Variants in SPOCK1 observed in about 807,000 individuals in gnomAD.
SPOCK1 encodes SPARC (osteonectin), cwcv and kazal like domains proteoglycan 1, also known as testican-1.
A neutral mutation model predicts 55.3 loss-of-function variants in SPOCK1; 23 were observed. The observed-to-expected ratio is 0.42, with a 90% CI of 0.30 to 0.59. The LOEUF (loss-of-function observed/expected upper bound fraction) is 0.59. SPOCK1 is among the 20% of genes least tolerant of loss of function. SPOCK1 has a pLI of 0.22. For synonymous variants in SPOCK1, 226 were observed against 221.0 expected (o/e 1.02, Z -0.20); for missense variants, 499 against 552.5 (o/e 0.90, Z 0.97).
chr5:137,323,912 T>C (rs560187690), intron 2 of SPOCK1, among the ~76,000 whole-genome samples: 36 of 150,544 alleles, frequency 2.4e-4, no homozygotes, highest in Middle Eastern at 3.4e-3. Flanking sequence ...GAAAACAGCA[T>C]AGAGGGTCCT....
At chr5:137,336,193 C>T (rs558752480) in intron 2 of SPOCK1, among the ~76,000 whole-genome samples, 1 of 152,304 alleles carries the variant, frequency 6.6e-6, no homozygotes, top group East Asian at 1.9e-4. Context: ...GAGAAGGATC[C>T]TAAACTGAGC....
intron 5 of SPOCK1, among the ~76,000 whole-genome samples, chr5:137,093,676 T>A (rs913205828): frequency 5.3e-5 from 8 of 152,092 alleles, no homozygotes; most frequent in East Asian, 1.9e-4. Flanking sequence ...AAGATGGGGA[T>A]GCGGAGAAGG....
chr5:137,188,479 G>A (rs1348922505), intron 3 of SPOCK1, among the ~76,000 whole-genome samples: 1 of 152,150 alleles, frequency 6.6e-6, no homozygotes, highest in Admixed American at 6.5e-5. Flanking sequence ...TCTGTGATCA[G>A]TGATCTTTGA....
chr5:137,152,543 C>G (rs1754337771), intron 3 of SPOCK1, among the ~76,000 whole-genome samples: 1 of 152,170 alleles, frequency 6.6e-6, no homozygotes, highest in Non-Finnish European at 1.5e-5. Flanking sequence ...GCAATAAATA[C>G]TGATCACCTA....
intron 4 of SPOCK1, among the ~76,000 whole-genome samples, chr5:137,134,003 C>T (rs887201038): frequency 3.3e-5 from 5 of 152,170 alleles, no homozygotes; most frequent in African/African-American, 1.2e-4. Flanking sequence ...GGGAAATGTA[C>T]ATCAGGCCCC....
intron 3 of SPOCK1, among the ~76,000 whole-genome samples, chr5:137,255,674 G>A (rs1477525734): frequency 6.6e-6 from 1 of 152,048 alleles, no homozygotes; most frequent in Non-Finnish European, 1.5e-5. Flanking sequence ...TGAAGTGAAG[G>A]CAGGAGGAGA....
intron 6 of SPOCK1, among the ~76,000 whole-genome samples, chr5:137,052,939 C>T (rs1220466117): frequency 6.6e-6 from 1 of 151,742 alleles, no homozygotes; most frequent in African/African-American, 2.4e-5. Flanking sequence ...CATCACATAA[C>T]TGTCTTCTCC....
At chr5:137,319,679 C>T (rs1287802343) in intron 2 of SPOCK1, among the ~76,000 whole-genome samples, 2 of 152,170 alleles carry the variant, frequency 1.3e-5, no homozygotes, top group Non-Finnish European at 2.9e-5. Flanking sequence ...GGCGCGGTGG[C>T]TCACGCCTGT....
At chr5:137,357,050 G>C (rs74705493) in intron 2 of SPOCK1, among the ~76,000 whole-genome samples, 2 of 151,076 alleles carry the variant, frequency 1.3e-5, no homozygotes, top group Admixed American at 6.6e-5. Flanking sequence ...CATTAGCAAA[G>C]ACTCCCTTCC....
intron 2 of SPOCK1, among the ~76,000 whole-genome samples, chr5:137,402,023 G>GTATTTAT (rs1751993988): frequency 6.6e-6 from 1 of 152,100 alleles, no homozygotes; most frequent in Admixed American, 6.6e-5. Context: ...TTGAAATGAT[G>GTATTTAT]CATTTATTAG....
At chr5:137,102,911 T>C (rs757469741) in intron 5 of SPOCK1, among the ~76,000 whole-genome samples, 11 of 152,200 alleles carry the variant, frequency 7.2e-5, no homozygotes, top group Non-Finnish European at 1.3e-4. Context: ...CTGTCGTTAT[T>C]ATTATTTATT....
intron 2 of SPOCK1, chr5:137,313,619 G>T: frequency 3.1e-6 from 1 of 320,252 alleles, no homozygotes; most frequent in Non-Finnish European, 4.5e-6. Context: ...TTGCTACTTT[G>T]CACAAATATA....
chr5:137,191,989 C>T (rs1241586992), intron 3 of SPOCK1, among the ~76,000 whole-genome samples: 3 of 152,068 alleles, frequency 2.0e-5, no homozygotes, highest in African/African-American at 7.2e-5. Context: ...AATCCTAACA[C>T]TTTGGGAGGC....
intron 2 of SPOCK1, among the ~76,000 whole-genome samples, chr5:137,381,499 T>C (rs2127175215): frequency 6.6e-6 from 1 of 152,332 alleles, no homozygotes; most frequent in South Asian, 2.1e-4. Flanking sequence ...TCCAGGCAAG[T>C]CCATACATCC....
intron 6 of SPOCK1, among the ~76,000 whole-genome samples, chr5:137,060,653 G>T (rs2127002596): frequency 6.6e-6 from 1 of 152,100 alleles, no homozygotes; most frequent in South Asian, 2.1e-4. Flanking sequence ...AACAGTAAGT[G>T]CAGGATAAGA....
chr5:137,063,823 C>A (rs1437085076), intron 6 of SPOCK1, among the ~76,000 whole-genome samples: 1 of 152,204 alleles, frequency 6.6e-6, no homozygotes, highest in African/African-American at 2.4e-5. Context: ...CTGTACTCTG[C>A]ATTGAATAGA....
intron 2 of SPOCK1, among the ~76,000 whole-genome samples, chr5:137,316,274 C>G (rs148131398): frequency 6.6e-6 from 1 of 152,226 alleles, no homozygotes; most frequent in Non-Finnish European, 1.5e-5. Context: ...TCTCAAAGGA[C>G]CCACCTCTGA....
Position 137,351,623 on chromosome 5 carries a change from C to T in SPOCK1, c.187-84568G>A, listed in dbSNP as rs374488459. Reference sequence around the variant, plus strand: ...GCCCACCAGCCATCTTGCAAAGGGGCCTGACATCCAGTGCTGTAAATTTGT... The same window carrying T: ...GCCCACCAGCCATCTTGCAAAGGGGTCTGACATCCAGTGCTGTAAATTTGT... On this transcript the variant is annotated intron_variant, in intron 2 of 10. Coordinates refer to ENST00000394945, the MANE Select transcript of SPOCK1 (RefSeq NM_004598.4). Among the ~76,000 whole-genome samples the T allele has an allele frequency of 1.1e-4, 17 of 152,298 alleles. No homozygotes were observed. The South Asian group carries it at 3.5e-3, about 32-fold the overall frequency.
chr5:137,169,810 G>A (rs1433488375), intron 3 of SPOCK1, among the ~76,000 whole-genome samples: 5 of 152,308 alleles, frequency 3.3e-5, no homozygotes, highest in Non-Finnish European at 5.9e-5. Context: ...CTGCCCCAGA[G>A]CATGTGGCTA....
Sources: allele counts gnomAD v4.1 joint callset (sites outside exome capture counted in the v4.1 genomes callset), GRCh38; gene constraint gnomAD v4.1.1; transcripts MANE v1.5; gene names NCBI Gene and HGNC (gene_info 2026-07-23, HGNC 2026-07-21).